DIAPH1: variants seen among roughly 807,000 people sequenced by gnomAD.
The protein encoded by DIAPH1 is protein diaphanous homolog 1.
DIAPH1 carries 46 observed loss-of-function variants against 140.7 expected under a neutral mutation model. The observed-to-expected ratio is 0.33, with a 90% CI of 0.26 to 0.42. The LOEUF is 0.42. Ranked by LOEUF, DIAPH1 falls within the 10% of genes least tolerant of loss-of-function variation. The pLI is 1.00. For synonymous variants in DIAPH1, 565 were observed against 551.6 expected, an observed-to-expected ratio of 1.02 and a Z score of -0.34; for missense variants, 1,310 against 1,558.7, an observed-to-expected ratio of 0.84 and a Z score of 2.69.
At chr5:141,581,115 AC>A (rs937673430) in intron 7 of DIAPH1, among the ~76,000 whole-genome samples, 8 of 152,202 alleles carry the variant, frequency 5.3e-5, no homozygotes, top group Admixed American at 4.6e-4. Flanking sequence ...ATCCAATATG[AC>A]CAGTGTCCTT....
At chr5:141,557,368 G>C (rs2099892778) in intron 18 of DIAPH1, among the ~76,000 whole-genome samples, 1 of 152,112 alleles carries the variant, frequency 6.6e-6, no homozygotes, top group South Asian at 2.1e-4. Flanking sequence ...ACTAGCTGTT[G>C]ATTAAGTTTT....
chr5:141,610,390 T>C (rs899776375), intron 1 of DIAPH1, among the ~76,000 whole-genome samples: 4 of 152,102 alleles, frequency 2.6e-5, no homozygotes, highest in Admixed American at 6.6e-5. Flanking sequence ...AACCTCCACC[T>C]CCCAGGTTCA....
At chr5:141,526,690 G>A (rs928265535) in intron 24 of DIAPH1, among the ~76,000 whole-genome samples, 1 of 149,492 alleles carries the variant, frequency 6.7e-6, no homozygotes, top group Non-Finnish European at 1.5e-5. Flanking sequence ...ACTGTTGTTT[G>A]TTTGTTTGTT....
rs951096368 is a variant in DIAPH1, at chr5:141,582,242, T to C, written c.684+70A>G. 7 of 1,134,926 alleles carry C rather than the reference T, an allele frequency of 6.2e-6. No homozygotes were observed. The Admixed American group carries it at 8.4e-5, about 14-fold the overall frequency. 70.3% of individuals were successfully genotyped at this position (1,134,926 alleles called of 1,614,324 possible). ...AACCTCATATTCCTAGTTCCTCTTT[T>C]GGTTTGCCAATAGAAGAGAAAGAAC... is the stretch of plus-strand genomic sequence containing the variant. On this transcript the variant is annotated intron_variant, in intron 7 of 27. Coordinates refer to ENST00000389054, the MANE Select transcript of DIAPH1 (RefSeq NM_005219.5).
At chr5:141,551,982 G>C (rs915749470) in intron 18 of DIAPH1, among the ~76,000 whole-genome samples, 1 of 152,122 alleles carries the variant, frequency 6.6e-6, no homozygotes, top group Admixed American at 6.5e-5. Flanking sequence ...AAATTAACAA[G>C]AAATACAAAA....
intron 7 of DIAPH1, 51 bp from the exon 8 acceptor site, chr5:141,580,934 C>G: frequency 6.2e-7 from 1 of 1,613,282 alleles, no homozygotes; most frequent in South Asian, 1.1e-5. Context: ...AAGCATCTAA[C>G]TGGGGGACAA....
intron 19 of DIAPH1, among the ~76,000 whole-genome samples, chr5:141,533,299 T>C (rs1183716739): frequency 6.6e-6 from 1 of 152,216 alleles, no homozygotes; most frequent in Non-Finnish European, 1.5e-5. Context: ...AGTAGGTAGA[T>C]GAGTAATTAA....
At position 141,516,868 on chromosome 5, in the gene DIAPH1, C is replaced by A. The variant is rs1031662096; in HGVS notation, c.3802G>T (p.Val1268Phe). ...PTILEEAKELVGRAS is the reference protein window; with the variant it reads ...PTILEEAKELFGRAS ...GACCCACATTAGCTTGCACGGCCAA[C>A]CAACTCCTTGGCTTCCTCAAGGATT... The change falls in exon 28 of 28, where the codon GTT becomes TTT. Residue 1268 changes from valine to phenylalanine, a missense_variant. Coordinates refer to ENST00000389054, the MANE Select transcript of DIAPH1 (RefSeq NM_005219.5). 5 of 1,614,088 alleles carry A rather than the reference C, an allele frequency of 3.1e-6. No individual in the cohort carries two copies. In the African/African-American group the frequency reaches 6.7e-5, roughly 22 times the overall value.
chr5:141,558,003 A>C (rs564661788), intron 18 of DIAPH1: 5 of 152,158 alleles, frequency 3.3e-5, no homozygotes, highest in Admixed American at 1.3e-4. Flanking sequence ...TGCGGTGGGG[A>C]GTGCCAGACA....
At chr5:141,580,705 A>G in intron 8 of DIAPH1, 39 bp downstream of exon 8, 1 of 1,610,594 alleles carries the variant, frequency 6.2e-7, no homozygotes. Flanking sequence ...AAAATGATAA[A>G]ATTGAAAATG....
intron 7 of DIAPH1, 137 bp downstream of exon 7, chr5:141,582,175 G>A (rs1206182582): frequency 4.7e-6 from 3 of 636,170 alleles, no homozygotes; most frequent in Admixed American, 4.6e-5. Context: ...ATGTGGCAAT[G>A]AAAAACAGTT....
At chr5:141,549,641 C>T (rs930242193) in intron 18 of DIAPH1, among the ~76,000 whole-genome samples, 8 of 151,922 alleles carry the variant, frequency 5.3e-5, no homozygotes, top group Admixed American at 2.0e-4. Context: ...TAAAAGCAAG[C>T]CTCAACAAAT....
rs185848089 is a variant in DIAPH1, at chr5:141,610,384, T to A, written c.117+8414A>T. Reference sequence around the variant, plus strand: ...GGCACAACCTCGGCTCACTGCAACCTCCACCTCCCAGGTTCAAGCAATTCT... The same window carrying A: ...GGCACAACCTCGGCTCACTGCAACCACCACCTCCCAGGTTCAAGCAATTCT... On this transcript the variant is annotated intron_variant, in intron 1 of 27. Transcript: ENST00000389054. 1.4e-3 allele frequency among the ~76,000 whole-genome samples: 219 copies of A among 152,200 alleles called. 1 individual carries two copies. Among genetic ancestry groups the A allele is most frequent in the African/African-American group, 4.9e-3 (204 of 41,526 alleles).
At chr5:141,600,287 G>A (rs1369759928) in intron 1 of DIAPH1, among the ~76,000 whole-genome samples, 1 of 152,200 alleles carries the variant, frequency 6.6e-6, no homozygotes, top group African/African-American at 2.4e-5. Context: ...AATGAACCTG[G>A]AGGCAGATTT....
intron 12 of DIAPH1, 97 bp downstream of exon 12, chr5:141,577,378 T>C: frequency 1.1e-6 from 1 of 920,196 alleles, no homozygotes; most frequent in South Asian, 1.3e-5. Flanking sequence ...GTCTTTGTCT[T>C]TACATTTTCC....
chr5:141,519,496 G>C (rs1362566139), intron 27 of DIAPH1, among the ~76,000 whole-genome samples: 1 of 152,144 alleles, frequency 6.6e-6, no homozygotes, highest in African/African-American at 2.4e-5. Context: ...AGAAGGCAGA[G>C]GTCCCATGTG....
intron 1 of DIAPH1, among the ~76,000 whole-genome samples, chr5:141,594,572 G>A (rs1175419539): frequency 1.3e-5 from 2 of 151,882 alleles, no homozygotes; most frequent in African/African-American, 2.4e-5. Context: ...TGAAAACACC[G>A]CCTCTACTAA....
chr5:141,618,783 G>C lies in DIAPH1; in HGVS notation c.117+15C>G. ...TTACGGGGCCAGGCAGGAGCGGGAT[G>C]GGAGGGACACTCACAAATTTCTTAG... On this transcript the variant is annotated intron_variant, in intron 1 of 27. Transcript: ENST00000389054. 6.5e-7 allele frequency: 1 copy of C among 1,532,094 alleles called. No individual in the cohort carries two copies. Among genetic ancestry groups the C allele is most frequent in the Non-Finnish European group, 8.9e-7 (1 of 1,127,820 alleles). 94.9% of individuals were successfully genotyped at this position (1,532,094 alleles called of 1,614,324 possible). A position where few individuals can be genotyped will look rare whatever the true frequency, so the allele number is the denominator to read the frequency against.
chr5:141,532,319 G>A (rs990705816), intron 19 of DIAPH1, among the ~76,000 whole-genome samples: 2 of 152,068 alleles, frequency 1.3e-5, no homozygotes, highest in Admixed American at 6.6e-5. Flanking sequence ...ACTGGCACAC[G>A]CCACTGTGCT....
Sources: allele counts gnomAD v4.1 joint callset (sites outside exome capture counted in the v4.1 genomes callset), GRCh38; gene constraint gnomAD v4.1.1; transcripts MANE v1.5; gene names NCBI Gene and HGNC (gene_info 2026-07-23, HGNC 2026-07-21).